GPHN: variants seen among roughly 807,000 people sequenced by gnomAD.
GPHN encodes gephyrin.
GPHN carries 17 observed loss-of-function variants against 95.5 expected under a neutral mutation model. The observed-to-expected ratio is 0.18, with a 90% CI of 0.12 to 0.27. The LOEUF is 0.27. Ranked by LOEUF, GPHN falls within the 10% of genes least tolerant of loss-of-function variation. The pLI is 1.00. For missense variants in GPHN, 660 were observed against 978.1 expected, an observed-to-expected ratio of 0.67 and a Z score of 4.34; for synonymous variants, 320 against 322.5, an observed-to-expected ratio of 0.99 and a Z score of 0.08.
chr14:67,164,585 A>T (rs1332752146), intron 19 of GPHN, among the ~76,000 whole-genome samples: 3 of 151,800 alleles, frequency 2.0e-5, no homozygotes, highest in South Asian at 4.2e-4. Context: ...TCTGCCTCCC[A>T]GGTTCAAGCG....
chr14:67,105,469 T>C (rs2077983392), intron 13 of GPHN, among the ~76,000 whole-genome samples: 1 of 152,140 alleles, frequency 6.6e-6, no homozygotes, highest in Non-Finnish European at 1.5e-5. Flanking sequence ...GGAATCTGTC[T>C]CTCCTTTTAG....
intron 4 of GPHN, among the ~76,000 whole-genome samples, chr14:66,872,580 ATT>A (rs1264015841): frequency 6.6e-6 from 1 of 152,116 alleles, no homozygotes; most frequent in African/African-American, 2.4e-5. Context: ...TGTATTCCAG[ATT>A]TAACTGTACT....
At chr14:66,786,970 T>C (rs1217378480) in intron 3 of GPHN, among the ~76,000 whole-genome samples, 2 of 152,120 alleles carry the variant, frequency 1.3e-5, no homozygotes, top group Non-Finnish European at 2.9e-5. Context: ...AGCAATAATA[T>C]CTTCTCTGAC....
chr14:67,722,611 C>A, the GPHN span: 4 of 1,601,144 alleles, frequency 2.5e-6, no homozygotes, highest in Non-Finnish European at 3.4e-6. Flanking sequence ...GGAGCAGCAG[C>A]AAAAGCAACA....
chr14:66,725,721 C>A (rs758351603), intron 2 of GPHN, among the ~76,000 whole-genome samples: 5 of 152,048 alleles, frequency 3.3e-5, no homozygotes, highest in Non-Finnish European at 5.9e-5. Flanking sequence ...TTTAGTTGCC[C>A]CCTTCCTATG....
At chr14:66,622,260 G>A (rs2063339863) in intron 1 of GPHN, among the ~76,000 whole-genome samples, 1 of 152,124 alleles carries the variant, frequency 6.6e-6, no homozygotes, top group Non-Finnish European at 1.5e-5. Flanking sequence ...TTTCAGTCAT[G>A]GCTGGAGCAG....
chr14:66,998,888 AAT>A (rs112443150), intron 9 of GPHN, among the ~76,000 whole-genome samples: 85 of 142,918 alleles, frequency 5.9e-4, no homozygotes, highest in East Asian at 1.4e-3. Flanking sequence ...AAAAAAAAAA[AAT>A]ATATATATAT....
At chr14:66,551,995 C>G (rs764583866) in intron 1 of GPHN, among the ~76,000 whole-genome samples, 6 of 152,232 alleles carry the variant, frequency 3.9e-5, no homozygotes, top group East Asian at 3.9e-4. Context: ...AAAGAGAAAC[C>G]AACCTTTATC....
intron 18 of GPHN, among the ~76,000 whole-genome samples, chr14:67,144,250 A>ATATATATATATATAT (rs1555502004): frequency 6.9e-5 from 4 of 57,772 alleles, no homozygotes; most frequent in Non-Finnish European, 1.1e-4. Flanking sequence ...AAAAAAAAAA[A>ATATATATATATATAT]ATATATATAT....
intron 2 of GPHN, among the ~76,000 whole-genome samples, chr14:66,711,023 A>G (rs1723278440): frequency 6.6e-6 from 1 of 152,074 alleles, no homozygotes; most frequent in African/African-American, 2.4e-5. Context: ...TTATTGTACA[A>G]ATTTGTTTTT....
chr14:67,578,102 A>AG, the GPHN span: 1 of 1,613,332 alleles, frequency 6.2e-7, no homozygotes, highest in Non-Finnish European at 8.5e-7. This position sits in a 1 kb window ranked among gnomAD's most constrained non-coding sequence, Gnocchi z 5.0. Context: ...ACCGCACTGC[A>AG]GGTCTGCCTG....
intron 11 of GPHN, among the ~76,000 whole-genome samples, chr14:67,086,515 G>A (rs998754556): frequency 5.3e-5 from 8 of 151,364 alleles, no homozygotes; most frequent in Non-Finnish European, 8.8e-5. Context: ...GCCGGGCGAG[G>A]TGGCGGGCGC....
At chr14:66,898,915 A>G (rs2064996584) in intron 5 of GPHN, among the ~76,000 whole-genome samples, 1 of 151,904 alleles carries the variant, frequency 6.6e-6, no homozygotes, top group Non-Finnish European at 1.5e-5. Flanking sequence ...TTTTCAGTAT[A>G]AAAAGTCTGA....
At chr14:67,201,490 ATATTCATCTCATCC>A in the GPHN span, 1 of 455,974 alleles carries the variant, frequency 2.2e-6, no homozygotes. Flanking sequence ...GCAGTAGAAG[ATATTCATCTCATCC>A]TGGTGGCTCT....
At chr14:67,305,285 CA>C in the GPHN span, among the ~76,000 whole-genome samples, 2 of 151,828 alleles carry the variant, frequency 1.3e-5, no homozygotes, top group East Asian at 1.9e-4. Flanking sequence ...GAAGTTAAGA[CA>C]TTTTTTTTTT....
chr14:66,796,612 C>T (rs1015414990), intron 3 of GPHN, among the ~76,000 whole-genome samples: 3 of 151,994 alleles, frequency 2.0e-5, no homozygotes, highest in Non-Finnish European at 4.4e-5. Context: ...TTATGTTGAG[C>T]ACCTTTTCAT....
At chr14:67,372,045 A>C in the GPHN span, among the ~76,000 whole-genome samples, 1 of 151,942 alleles carries the variant, frequency 6.6e-6, no homozygotes, top group Non-Finnish European at 1.5e-5. Context: ...TGGGGGGATC[A>C]CTTGAGCCCA....
At chr14:67,270,636 G>A in the GPHN span, 1 of 151,426 alleles carries the variant, frequency 6.6e-6, no homozygotes, top group Non-Finnish European at 1.5e-5. Flanking sequence ...CTTTGGACTG[G>A]GAGGACTTTT....
intron 1 of GPHN, among the ~76,000 whole-genome samples, chr14:66,621,824 C>T (rs2063318378): frequency 6.6e-6 from 1 of 152,218 alleles, no homozygotes. Context: ...TGGGCAGCTC[C>T]ACCCCTGTGT....
Sources: allele counts gnomAD v4.1 joint callset (sites outside exome capture counted in the v4.1 genomes callset), GRCh38; gene constraint gnomAD v4.1.1; non-coding constraint Gnocchi (gnomAD v3.1); transcripts MANE v1.5; gene names NCBI Gene and HGNC (gene_info 2026-07-23, HGNC 2026-07-21).